NOL9: variants seen among roughly 807,000 people sequenced by gnomAD.
NOL9 encodes nucleolar protein 9, also known as polynucleotide 5'-hydroxyl-kinase NOL9.
In NOL9, 28 loss-of-function variants were observed where a neutral mutation model predicts 67.9. The ratio of observed to expected loss-of-function variants is 0.41; its 90% CI spans 0.31 to 0.57. NOL9 has a LOEUF of 0.57. Ranked by LOEUF, NOL9 falls within the 20% of genes least tolerant of loss-of-function variation. The pLI, the probability that NOL9 is intolerant of heterozygous loss-of-function variation, is 0.25. For synonymous variants in NOL9, 356 were observed against 352.2 expected (o/e 1.01, Z -0.12); for missense variants, 777 against 897.0 (o/e 0.87, Z 1.71).
chr1:6,531,415 G>A (rs941053418), intron 9 of NOL9, among the ~76,000 whole-genome samples: 31 of 151,954 alleles, frequency 2.0e-4, no homozygotes, highest in Non-Finnish European at 4.3e-4. Context: ...GGGTTTCACT[G>A]TGTTAGCCAG....
intron 6 of NOL9, among the ~76,000 whole-genome samples, chr1:6,536,608 A>G (rs968502397): frequency 2.0e-5 from 3 of 152,076 alleles, no homozygotes; most frequent in Admixed American, 1.3e-4. Flanking sequence ...TGGGAGGATC[A>G]CTTGAGCTCC....
intron 3 of NOL9, among the ~76,000 whole-genome samples, chr1:6,545,999 C>T (rs189015286): frequency 5.5e-5 from 8 of 145,382 alleles, no homozygotes; most frequent in African/African-American, 2.0e-4. Flanking sequence ...TAGAAAACAA[C>T]AGAACAAGGC....
chr1:6,529,151 T>G lies in NOL9; in HGVS notation c.1668A>C (p.Ala556=). ...CGACATCAGAGTGGGTAATCCGGAGTGCGACTGCATTGAAAGGGACCTGGA... is the reference window on the plus strand; with the variant it reads ...CGACATCAGAGTGGGTAATCCGGAGGGCGACTGCATTGAAAGGGACCTGGA... ...TPYQVPFNAV[A]LRITHSDVAP... The change falls in exon 10 of 12, where the codon GCA becomes GCC. Residue 556 remains alanine, a synonymous_variant. Coordinates refer to ENST00000377705, the MANE Select transcript of NOL9 (RefSeq NM_024654.5). 1 of 1,613,280 alleles carries G rather than the reference T, an allele frequency of 6.2e-7. No individual in the cohort carries two copies. Among genetic ancestry groups the G allele is most frequent in the Non-Finnish European group, 8.5e-7 (1 of 1,179,546 alleles).
rs146539534 is a variant in NOL9 at position 6,531,435 on chromosome 1, G to A, written c.1647+533C>T. Among the ~76,000 whole-genome samples the A allele has an allele frequency of 1.5e-3, 234 of 152,062 alleles. 3 individuals carry two copies. In the East Asian group the frequency reaches 0.027, roughly 17 times the overall value. On this transcript the variant is annotated intron_variant, in intron 9 of 11. Coordinates refer to ENST00000377705, the MANE Select transcript of NOL9 (RefSeq NM_024654.5). ...TCACTGTGTTAGCCAGGATGGTCTC[G>A]ATCTCCTGACCTCGTGATCTGCCCG... is the stretch of plus-strand genomic sequence containing the variant.
At chr1:6,533,482 TG>T in intron 6 of NOL9, 41 bp from the exon 7 acceptor site, 5 of 1,464,152 alleles carry the variant, frequency 3.4e-6, no homozygotes, top group Non-Finnish European at 3.7e-6. Context: ...GTAAGGTGAG[TG>T]ATCAATCCTG....
chr1:6,539,094 T>A (rs1055151387), intron 6 of NOL9, among the ~76,000 whole-genome samples: 1 of 152,200 alleles, frequency 6.6e-6, no homozygotes, highest in Admixed American at 6.5e-5. Context: ...TTTAAGGGAA[T>A]GTAAATGAAA....
intron 1 of NOL9, among the ~76,000 whole-genome samples, chr1:6,553,640 G>A (rs1639593431): frequency 1.3e-5 from 2 of 151,874 alleles, no homozygotes; most frequent in Admixed American, 6.6e-5. Context: ...AGGAGATCGA[G>A]ACTATCCTGG....
Position 6,554,188 on chromosome 1 carries a change from C to A in NOL9, c.315G>T (p.Ser105=), listed in dbSNP as rs1461874592. Residue 105 remains serine, a synonymous_variant, in exon 1 of 12, where the codon TCG becomes TCT. Transcript: ENST00000377705. The part of the protein sequence containing the change: ...PESEPELESA[S]SCHRPLLIPP... Reference sequence around the variant, plus strand: ...GGATGAGGAGAGGCCGGTGGCAACTCGAGGCGGATTCGAGTTCGGGTTCGG... The same window carrying A: ...GGATGAGGAGAGGCCGGTGGCAACTAGAGGCGGATTCGAGTTCGGGTTCGG... 6.6e-7 allele frequency: 1 copy of A among 1,521,472 alleles called. No homozygotes were observed. Among genetic ancestry groups the A allele is most frequent in the South Asian group, 1.2e-5 (1 of 82,574 alleles). 94.2% of individuals were successfully genotyped at this position (1,521,472 alleles called of 1,614,324 possible).
intron 3 of NOL9, chr1:6,548,517 G>C (rs1043997714): frequency 3.5e-6 from 1 of 286,910 alleles, no homozygotes; most frequent in Non-Finnish European, 7.0e-6. Context: ...GGTTCCATGC[G>C]TGCTAAACGT....
At chr1:6,539,590 T>C (rs1170397946) in intron 6 of NOL9, among the ~76,000 whole-genome samples, 1 of 152,190 alleles carries the variant, frequency 6.6e-6, no homozygotes, top group African/African-American at 2.4e-5. Flanking sequence ...GTTCAAGTGA[T>C]CCTCCTGCCT....
intron 9 of NOL9, among the ~76,000 whole-genome samples, chr1:6,530,834 C>T (rs928638419): frequency 5.9e-5 from 9 of 152,236 alleles, no homozygotes; most frequent in Admixed American, 4.6e-4. Flanking sequence ...ACAGAGCAAG[C>T]GCTCAAAACC....
In NOL9 at chr1:6,554,353, C is replaced by A. The variant is rs753829056; in HGVS notation, c.150G>T (p.Trp50Cys). The change falls in exon 1 of 12, where the codon TGG becomes TGT. Residue 50 changes from tryptophan to cysteine, a missense_variant. By Grantham distance (215) the Trp-to-Cys change is radical (BLOSUM62 -2). Around this residue, in one of 2 missense-constraint regions of NOL9, gnomAD observed 364 missense variants for 344.4 expected, o/e 1.06. Transcript: ENST00000377705. ...LRWCGRRRLR[W>C]RLLQAQASGV... ...CGGACGCCTGGGCTTGCAGTAACCG[C>A]CACCGTAGGCGCCGCCGACCGCACC... 1.4e-6 allele frequency: 2 copies of A among 1,458,198 alleles called. No homozygotes were observed. Among genetic ancestry groups the A allele is most frequent in the Admixed American group, 3.0e-5 (1 of 33,812 alleles). The allele number at this position is 1,458,198 out of a possible 1,614,324, so 90.3% of individuals were successfully genotyped here.
At chr1:6,526,035 C>T in intron 11 of NOL9, 32 bp from the exon 12 acceptor site, 1 of 1,603,906 alleles carries the variant, frequency 6.2e-7, no homozygotes. Flanking sequence ...TGCATGGAAA[C>T]ACTCCAGGTC....
chr1:6,544,591 A>AC (rs1430612000), intron 5 of NOL9, among the ~76,000 whole-genome samples: 2 of 125,152 alleles, frequency 1.6e-5, no homozygotes, highest in Non-Finnish European at 3.2e-5. Flanking sequence ...AGACTCTGAG[A>AC]CCAAGTGTCT....
At chr1:6,528,208 C>T (rs983003711) in intron 10 of NOL9, among the ~76,000 whole-genome samples, 5 of 152,170 alleles carry the variant, frequency 3.3e-5, no homozygotes, top group South Asian at 2.1e-4. Flanking sequence ...GACCCAATCC[C>T]GCTGGGCACT....
Position 6,528,928 on chromosome 1 carries a change from C to A in NOL9, c.1825+66G>T. The A allele has an allele frequency of 2.0e-6, 3 of 1,491,586 alleles. No individual in the cohort carries two copies. In the South Asian group the frequency reaches 3.5e-5, roughly 18 times the overall value. 92.4% of individuals were successfully genotyped at this position (1,491,586 alleles called of 1,614,324 possible). On this transcript the variant is annotated intron_variant, in intron 10 of 11. Coordinates refer to ENST00000377705, the MANE Select transcript of NOL9 (RefSeq NM_024654.5). ...ACACAGCTACAAGGTCAAGACCAGT[C>A]ATCTACAGTTGAAGCAGTGGATCCT...
chr1:6,554,452 C>G lies in NOL9; in HGVS notation c.51G>C (p.Trp17Cys), dbSNP rs1639625499. The G allele has an allele frequency of 6.4e-7, 1 of 1,551,198 alleles. No individual in the cohort carries two copies. Among genetic ancestry groups the G allele is most frequent in the African/African-American group, 1.4e-5 (1 of 70,574 alleles). Residue 17 changes from tryptophan (W) to cysteine (C), a missense_variant, in exon 1 of 12, where the codon TGG becomes TGC. Trp to Cys is a radical substitution (Grantham distance 215, BLOSUM62 -2). Around this residue, in one of 2 missense-constraint regions of NOL9, gnomAD observed 364 missense variants for 344.4 expected, o/e 1.06. Coordinates refer to ENST00000377705, the MANE Select transcript of NOL9 (RefSeq NM_024654.5). ...LLKRGSCRST[W>C]LRVRKARPQL... is the part of the protein sequence containing the mutation. ...GGGGCCGGGCCTTGCGGACCCGCAGCCAAGTGGAACGGCAGGAACCCCGCT... is the reference window on the plus strand; with the variant it reads ...GGGGCCGGGCCTTGCGGACCCGCAGGCAAGTGGAACGGCAGGAACCCCGCT...
intron 3 of NOL9, among the ~76,000 whole-genome samples, chr1:6,547,206 G>A (rs1398172389): frequency 6.6e-6 from 1 of 152,144 alleles, no homozygotes; most frequent in Admixed American, 6.6e-5. Context: ...CCTCTCTGCT[G>A]AAGGCTCCCA....
Position 6,554,447 on chromosome 1 carries a change from C to A in NOL9, c.56G>T (p.Arg19Leu), listed in dbSNP as rs1298747253. ...KRGSCRSTWL[R>L]VRKARPQLIL... ...GAGCTGGGGCCGGGCCTTGCGGACC[C>A]GCAGCCAAGTGGAACGGCAGGAACC... Residue 19 changes from arginine to leucine, a missense_variant, in exon 1 of 12, where the codon CGG becomes CTG. This residue lies in a region of NOL9 where 364 missense variants were observed against 344.4 expected (regional missense o/e 1.06). Transcript: ENST00000377705. 1 of 1,551,664 alleles carries A rather than the reference C, an allele frequency of 6.4e-7. No homozygotes were observed. The highest frequency in any genetic ancestry group is 8.6e-7 in the Non-Finnish European group (1 of 1,160,964).
Sources: gnomAD v4.1 joint callset for allele counts (sites outside exome capture counted in the v4.1 genomes callset) on GRCh38, gnomAD v4.1.1 for gene constraint, gnomAD v4.1.1 regional missense constraint, MANE v1.5 for transcripts, NCBI Gene and HGNC (gene_info 2026-07-23, HGNC 2026-07-21) for gene names.